Variants in MPDZ observed in about 807,000 individuals in gnomAD.
MPDZ encodes multiple PDZ domain protein.
MPDZ carries 234 observed loss-of-function variants against 239.1 expected under a neutral mutation model. The observed-to-expected ratio is 0.98, with a 90% CI of 0.88 to 1.09. The LOEUF (loss-of-function observed/expected upper bound fraction) is 1.09. Ranked by LOEUF, MPDZ falls within the 50% of genes least tolerant of loss-of-function variation. The pLI is 0.00. For synonymous variants in MPDZ, 1,048 were observed against 881.3 expected (o/e 1.19, Z -3.35); for missense variants, 3,175 against 2,510.0 (o/e 1.26, Z -5.66).
intron 24 of MPDZ, among the ~76,000 whole-genome samples, chr9:13,153,659 G>C (rs897330150): frequency 6.6e-6 from 1 of 152,064 alleles, no homozygotes; most frequent in South Asian, 2.1e-4. Flanking sequence ...TCTTAAAGCA[G>C]TTCCTAAGGC....
At chr9:13,111,495 T>C (rs1942466498) in intron 43 of MPDZ, among the ~76,000 whole-genome samples, 1 of 152,216 alleles carries the variant, frequency 6.6e-6, no homozygotes, top group Admixed American at 6.5e-5. Context: ...ATTCATGTAA[T>C]TTTTAGAGCT....
chr9:13,172,033 T>A (rs1293619024), intron 21 of MPDZ, among the ~76,000 whole-genome samples: 1 of 152,232 alleles, frequency 6.6e-6, no homozygotes, highest in East Asian at 1.9e-4. Flanking sequence ...AAGCTTAATT[T>A]AATGCTTTAA....
chr9:13,182,803 T>C (rs7023613), intron 19 of MPDZ, among the ~76,000 whole-genome samples: 4,533 of 152,228 alleles, frequency 0.03, 167 homozygotes, highest in South Asian at 0.084. Context: ...AGAAAATGAA[T>C]AGAGTTGGGG....
chr9:13,110,620 G>T lies in MPDZ; in HGVS notation c.5829+16C>A. On this transcript the variant is annotated intron_variant, in intron 44 of 46. Transcript: ENST00000319217. ...GCTACCTATATTCTGAATTATGCTTGGGATAAAAATCTTACCTGCATTTCA... is the reference window on the plus strand; with the variant it reads ...GCTACCTATATTCTGAATTATGCTTTGGATAAAAATCTTACCTGCATTTCA... 6.3e-7 allele frequency: 1 copy of T among 1,593,194 alleles called. No homozygotes were observed. The highest frequency in any genetic ancestry group is 8.6e-7 in the Non-Finnish European group (1 of 1,161,870).
chr9:13,115,124 A>G (rs1402156232), intron 40 of MPDZ, 124 bp downstream of exon 40: 1 of 714,970 alleles, frequency 1.4e-6, no homozygotes, highest in East Asian at 2.7e-5. Context: ...CAAACTCTGC[A>G]CCTCAGTCAC....
At chr9:13,193,085 A>C (rs1481117913) in intron 14 of MPDZ, 82 bp downstream of exon 14, 1 of 1,265,632 alleles carries the variant, frequency 7.9e-7, no homozygotes, top group Non-Finnish European at 1.0e-6. Context: ...ATTTAAAATG[A>C]GAATTTATTC....
intron 35 of MPDZ, among the ~76,000 whole-genome samples, chr9:13,124,139 C>T (rs974263277): frequency 1.3e-5 from 2 of 152,110 alleles, no homozygotes; most frequent in African/African-American, 4.8e-5. Context: ...CAGAAACAGA[C>T]TATTTTCTTG....
chr9:13,182,703 C>T (rs547184724), intron 19 of MPDZ, among the ~76,000 whole-genome samples: 1 of 151,878 alleles, frequency 6.6e-6, no homozygotes, highest in South Asian at 2.1e-4. Context: ...TCAGGAAATC[C>T]AAATTAAAAT....
At chr9:13,165,520 G>T in intron 22 of MPDZ, 1 of 1,363,730 alleles carries the variant, frequency 7.3e-7, no homozygotes, top group Non-Finnish European at 9.9e-7. Flanking sequence ...GGGTGCTCCT[G>T]GTTGTTTTTT....
At chr9:13,170,138 G>C (rs1027821516) in intron 21 of MPDZ, among the ~76,000 whole-genome samples, 10 of 152,076 alleles carry the variant, frequency 6.6e-5, no homozygotes, top group Admixed American at 2.0e-4. Context: ...GAGATATAAA[G>C]CTACCAGGGT....
rs759025832 is a variant in MPDZ at position 13,123,162 on chromosome 9, G to T, written c.4944C>A (p.Asp1648Glu). The change falls in exon 36 of 47, where the codon GAC becomes GAA. Residue 1648 changes from aspartate (D) to glutamate (E), a missense_variant. Physicochemically the swap from Asp to Glu is conservative, Grantham distance 45 (BLOSUM62 2). Transcript: ENST00000319217. ...TCTGGGTGGTGCTCACCAGCAGCGT[G>T]TCTGAACCCCCAACGATGCTCAGGC... ...GLGLSIVGGS[D>E]TLLGAIIIHE... The T allele has an allele frequency of 6.2e-7, 1 of 1,612,216 alleles. No individual in the cohort carries two copies. Among genetic ancestry groups the T allele is most frequent in the East Asian group, 2.2e-5 (1 of 44,856 alleles).
intron 1 of MPDZ, among the ~76,000 whole-genome samples, chr9:13,272,920 A>C (rs1018653903): frequency 2.6e-5 from 4 of 152,098 alleles, no homozygotes; most frequent in African/African-American, 9.7e-5. Flanking sequence ...TATTCCCCCC[A>C]AATTCATATG....
chr9:13,160,866 ATAT>A (rs1563931174), intron 23 of MPDZ, among the ~76,000 whole-genome samples: 11 of 129,494 alleles, frequency 8.5e-5, no homozygotes, highest in African/African-American at 2.6e-4. Context: ...ATATATATAT[ATAT>A]AAAACAGGTA....
At chr9:13,153,365 C>A (rs901109517) in intron 24 of MPDZ, among the ~76,000 whole-genome samples, 3 of 152,096 alleles carry the variant, frequency 2.0e-5, no homozygotes, top group African/African-American at 7.2e-5. Flanking sequence ...TAGTTAAAAT[C>A]CCATTCATTG....
intron 39 of MPDZ, among the ~76,000 whole-genome samples, chr9:13,118,602 C>T (rs963613130): frequency 6.6e-6 from 1 of 152,088 alleles, no homozygotes; most frequent in Non-Finnish European, 1.5e-5. Context: ...TATATTTCTT[C>T]AGGTCATAAA....
At chr9:13,248,575 ATTT>A (rs1008071926) in intron 2 of MPDZ, among the ~76,000 whole-genome samples, 1 of 151,450 alleles carries the variant, frequency 6.6e-6, no homozygotes, top group Non-Finnish European at 1.5e-5. Flanking sequence ...TGAAGCCAAA[ATTT>A]TTTTTTAATG....
chr9:13,205,177 G>C (rs1277280746), intron 11 of MPDZ, 70 bp from the exon 12 acceptor site: 1 of 829,670 alleles, frequency 1.2e-6, no homozygotes, highest in East Asian at 3.2e-5. Flanking sequence ...TCTAAACCCA[G>C]TATATTTATT....
chr9:13,113,176 C>G, intron 41 of MPDZ, 122 bp from the exon 42 acceptor site: 1 of 752,454 alleles, frequency 1.3e-6, no homozygotes, highest in Non-Finnish European at 2.2e-6. Flanking sequence ...TAAGGGGGTG[C>G]TCAAAGCTGC....
chr9:13,224,512 A>C lies in MPDZ; in HGVS notation c.255T>G (p.Ile85Met). 1.2e-6 allele frequency: 2 copies of C among 1,612,856 alleles called. No individual in the cohort carries two copies. Among genetic ancestry groups the C allele is most frequent in the African/African-American group, 2.7e-5 (2 of 74,964 alleles). The change falls in exon 4 of 47, where the codon ATT becomes ATG. Residue 85 changes from isoleucine (I) to methionine (M), a missense_variant. By Grantham distance (10) the Ile-to-Met change is conservative. Transcript: ENST00000319217. Reference protein sequence around the residue: ...AHVPHLSPAVIPTLQNESFLL... With the variant: ...AHVPHLSPAVMPTLQNESFLL... Reference sequence around the variant, plus strand: ...AAAACGATTCATTTTGCAGAGTAGGAATCACAGCTGGGCTGAGATGAGGAA... The same window carrying C: ...AAAACGATTCATTTTGCAGAGTAGGCATCACAGCTGGGCTGAGATGAGGAA...
Sources: gnomAD v4.1 joint callset for allele counts (sites outside exome capture counted in the v4.1 genomes callset) on GRCh38, gnomAD v4.1.1 for gene constraint, MANE v1.5 for transcripts, NCBI Gene and HGNC (gene_info 2026-07-23, HGNC 2026-07-21) for gene names.